Variants in GGACT observed in about 807,000 individuals in gnomAD.
GGACT encodes the protein gamma-glutamylaminecyclotransferase.
For missense variants in GGACT, 241 were observed against 233.2 expected (o/e 1.03, Z -0.22); for synonymous variants, 118 against 115.3 (o/e 1.02, Z -0.15).
intron 2 of GGACT, among the ~76,000 whole-genome samples, chr13:100,575,991 T>G (rs1283824294): frequency 1.3e-5 from 2 of 152,244 alleles, no homozygotes; most frequent in African/African-American, 2.4e-5. Flanking sequence ...GAATGGATCT[T>G]GCATTGCAAA....
intron 2 of GGACT, chr13:100,535,655 G>A (rs1401569603): frequency 1.3e-5 from 2 of 152,262 alleles, no homozygotes; most frequent in African/African-American, 4.8e-5. Flanking sequence ...ACTCATCATA[G>A]TTTTGGGTCA....
At chr13:100,566,487 T>C (rs1289272868) in intron 2 of GGACT, among the ~76,000 whole-genome samples, 5 of 152,200 alleles carry the variant, frequency 3.3e-5, no homozygotes, top group Non-Finnish European at 7.4e-5. Flanking sequence ...TCTGGTACCA[T>C]GTCTCTCACC....
intron 2 of GGACT, among the ~76,000 whole-genome samples, chr13:100,575,861 C>T (rs1875232793): frequency 6.6e-6 from 1 of 152,214 alleles, no homozygotes. Flanking sequence ...ATGTAATCAA[C>T]TATTCATCGA....
In GGACT at chr13:100,579,857, T is replaced by C. The variant is rs1165549089; in HGVS notation, c.-11+3968A>G. Among the ~76,000 whole-genome samples, 3 of 152,220 alleles carry C rather than the reference T, an allele frequency of 2.0e-5. No homozygotes were observed. The East Asian group carries it at 5.8e-4, about 29-fold the overall frequency. On this transcript the variant is annotated intron_variant, in intron 2 of 2. Coordinates refer to ENST00000683975, the MANE Select transcript of GGACT (RefSeq NM_001195087.2). ...CTTTTCTATTGTTAATCTTTGTCATTGGGGTGTCAGCCATGACCCTTATGA... is the reference window on the plus strand; with the variant it reads ...CTTTTCTATTGTTAATCTTTGTCATCGGGGTGTCAGCCATGACCCTTATGA...
Position 100,532,432 on chromosome 13 carries a change from GC to G in GGACT, c.159del (p.Leu54CysfsTer17), listed in dbSNP as rs760797456. On this transcript the variant is annotated frameshift_variant, in exon 3 of 3. Transcript: ENST00000683975. LOFTEE classifies it low-confidence loss of function (END_TRUNC). ...AGGCGCCCCGAGCCGGGCAGGTGCA[GC>G]AGCCACGGGATGTTGTGCTCCCCCG... ...VIAGEHNIPWLLHLPGSGRLV... is the reference protein window; with the variant it reads ...VIAGEHNIPWXLHLPGSGRLV... 7 of 1,549,980 alleles carry G rather than the reference GC, an allele frequency of 4.5e-6. No individual in the cohort carries two copies. Among genetic ancestry groups the G allele is most frequent in the Middle Eastern group, 3.3e-4 (2 of 5,992 alleles).
chr13:100,544,818 TC>T (rs1444928150), intron 2 of GGACT, among the ~76,000 whole-genome samples: 1 of 152,182 alleles, frequency 6.6e-6, no homozygotes, highest in East Asian at 1.9e-4. Context: ...GACATGACCA[TC>T]CCCTGCATCC....
chr13:100,544,537 G>A (rs987630106), intron 2 of GGACT, among the ~76,000 whole-genome samples: 6 of 152,300 alleles, frequency 3.9e-5, no homozygotes, highest in East Asian at 1.9e-4. Context: ...TATCTGCACC[G>A]GCCCCGGTAA....
rs147710327 is a variant in GGACT at position 100,543,197 on chromosome 13, CTTTTTTTTTT to C, written c.-10-10606_-10-10597del. Among the ~76,000 whole-genome samples the C allele has an allele frequency of 4.9e-3, 339 of 69,896 alleles. 1 individual carries two copies. Among genetic ancestry groups the C allele is most frequent in the African/African-American group, 0.02 (323 of 16,178 alleles). 45.9% of individuals were successfully genotyped at this position (69,896 alleles called of 152,430 possible). A position where few individuals can be genotyped will look rare whatever the true frequency, so the allele number is the denominator to read the frequency against. On this transcript the variant is annotated intron_variant, in intron 2 of 2. Transcript: ENST00000683975. ...CAAAAGGATTTTAAAAAGACACCAG[CTTTTTTTTTT>C]TTTTTTTTTTTTTTTTTTGAGACGG...
rs1210655978 is a variant in GGACT at position 100,532,333 on chromosome 13, G to C, written c.259C>G (p.Leu87Val). ...ACCCGCAGCACCGTGCGCTGGTACA[G>C]GGCCGGGCAACTCTCGAAGTCATCC... The part of the protein sequence containing the change: ...FLDDFESCPA[L>V]YQRTVLRVQL... The change falls in exon 3 of 3, where the codon CTG (leucine) becomes GTG (valine). Residue 87 changes from leucine to valine, a missense_variant. Coordinates refer to ENST00000683975, the MANE Select transcript of GGACT (RefSeq NM_001195087.2). 6.5e-7 allele frequency: 1 copy of C among 1,550,356 alleles called. No individual in the cohort carries two copies. Among genetic ancestry groups the C allele is most frequent in the African/African-American group, 1.4e-5 (1 of 73,040 alleles).
rs1219627522 is a variant in GGACT at position 100,530,935 on chromosome 13, C to A, written c.*1195G>T. ...CACGAGCTCATCAGCTGAGACCCAG[C>A]GTAGCCTTTTTGTGTTTTTTGTGAA... On this transcript the variant is annotated 3_prime_UTR_variant, in exon 3 of 3. Transcript: ENST00000683975. 6.6e-6 allele frequency: 1 copy of A among 152,256 alleles called. No homozygotes were observed. The highest frequency in any genetic ancestry group is 1.5e-5 in the Non-Finnish European group (1 of 68,072). The allele number at this position is 152,256 out of a possible 1,614,324, so 9.4% of individuals were successfully genotyped here.
chr13:100,584,355 A>T (rs1189493289), intron 1 of GGACT, among the ~76,000 whole-genome samples: 1 of 152,222 alleles, frequency 6.6e-6, no homozygotes, highest in Non-Finnish European at 1.5e-5. Context: ...TCGTTATGTG[A>T]CGTGAAATAA....
At chr13:100,551,408 G>T (rs1404910441) in intron 2 of GGACT, among the ~76,000 whole-genome samples, 1 of 152,184 alleles carries the variant, frequency 6.6e-6, no homozygotes, top group Non-Finnish European at 1.5e-5. Flanking sequence ...ACCAGCGCCC[G>T]TGGCAAGGTG....
Position 100,532,140 on chromosome 13 carries a change from T to C in GGACT, c.452A>G (p.Glu151Gly). 6.9e-7 allele frequency: 1 copy of C among 1,448,134 alleles called. No homozygotes were observed. The allele number at this position is 1,448,134 out of a possible 1,614,324, so 89.7% of individuals were successfully genotyped here. A position where few individuals can be genotyped will look rare whatever the true frequency, so the allele number is the denominator to read the frequency against. The change falls in exon 3 of 3, where the codon GAG becomes GGG. Residue 151 changes from glutamate (E) to glycine (G), a missense_variant. Transcript: ENST00000683975. ...CCCTGCCCGTCCCCCTTATCTGTTC[T>C]CCCGGGGGTTGTAGCGCAGCCCGTG... The part of the protein sequence containing the change: ...GPHGLRYNPR[E>G]NR
chr13:100,569,491 G>C (rs547996708), intron 2 of GGACT, among the ~76,000 whole-genome samples: 16 of 152,332 alleles, frequency 1.1e-4, no homozygotes, highest in Non-Finnish European at 1.9e-4. Flanking sequence ...TGGGAGGCAG[G>C]GGGGCACCAT....
intron 2 of GGACT, among the ~76,000 whole-genome samples, chr13:100,567,752 C>T (rs1874946877): frequency 6.6e-6 from 1 of 152,196 alleles, no homozygotes; most frequent in Admixed American, 6.5e-5. Flanking sequence ...CACACAAACA[C>T]ACACAACCCA....
chr13:100,559,126 G>C (rs2088735620), intron 2 of GGACT, among the ~76,000 whole-genome samples: 1 of 152,128 alleles, frequency 6.6e-6, no homozygotes, highest in African/African-American at 2.4e-5. Context: ...GGTAAATGCA[G>C]CTCTGCACAA....
chr13:100,584,445 A>AT (rs1476757939), intron 1 of GGACT, among the ~76,000 whole-genome samples: 1 of 152,100 alleles, frequency 6.6e-6, no homozygotes, highest in East Asian at 1.9e-4. Context: ...ACTGACTGAG[A>AT]TAGAGATCAG....
chr13:100,563,606 A>T (rs2088784512), intron 2 of GGACT, among the ~76,000 whole-genome samples: 1 of 152,208 alleles, frequency 6.6e-6, no homozygotes, highest in Non-Finnish European at 1.5e-5. Context: ...ACTTGAGCCT[A>T]GGAGTTTGAG....
rs538310959 is a variant in GGACT, at chr13:100,541,300, TC to T, written c.-10-8700del. The stretch of plus-strand genomic sequence containing the variant: ...AGAGTGCAGGGCAAGTATCAAACAA[TC>T]CACTGTGCCATAACAGGCCTGACTT... On this transcript the variant is annotated intron_variant, in intron 2 of 2. Coordinates refer to ENST00000683975, the MANE Select transcript of GGACT (RefSeq NM_001195087.2). Among the ~76,000 whole-genome samples the T allele has an allele frequency of 8.5e-3, 1,297 of 152,292 alleles. 10 individuals are homozygous for T. Among genetic ancestry groups the T allele is most frequent in the Non-Finnish European group, 0.015 (998 of 68,020 alleles).
Sources: gnomAD v4.1 joint callset for allele counts (sites outside exome capture counted in the v4.1 genomes callset) on GRCh38, gnomAD v4.1.1 for gene constraint, MANE v1.5 for transcripts, NCBI Gene and HGNC (gene_info 2026-07-23, HGNC 2026-07-21) for gene names.